Variants in ANKS1B observed in about 807,000 individuals in gnomAD.
ANKS1B encodes ankyrin repeat and sterile alpha motif domain containing 1B.
In ANKS1B, 36 loss-of-function variants were observed where a neutral mutation model predicts 148.3. The ratio of observed to expected loss-of-function variants is 0.24; its 90% CI spans 0.19 to 0.32. ANKS1B has a LOEUF of 0.32. Among genes scored for constraint, ANKS1B ranks in the 10% least tolerant of loss-of-function variants. ANKS1B has a pLI of 1.00. For missense variants in ANKS1B, 1,157 were observed against 1,542.6 expected, an observed-to-expected ratio of 0.75 and a Z score of 4.19; for synonymous variants, 542 against 560.8, an observed-to-expected ratio of 0.97 and a Z score of 0.47.
intron 12 of ANKS1B, among the ~76,000 whole-genome samples, chr12:99,394,013 C>A (rs2094161566): frequency 6.6e-6 from 1 of 152,174 alleles, no homozygotes; most frequent in Non-Finnish European, 1.5e-5. Flanking sequence ...AACACAGAAC[C>A]ACATTGGATA....
chr12:99,918,163 C>T (rs143266430), intron 1 of ANKS1B, among the ~76,000 whole-genome samples: 224 of 152,360 alleles, frequency 1.5e-3, no homozygotes, highest in Non-Finnish European at 2.7e-3. Flanking sequence ...TGCTGCTCTA[C>T]AGCGCAGTAG....
At chr12:99,298,577 C>T (rs1016996702) in intron 12 of ANKS1B, among the ~76,000 whole-genome samples, 1 of 152,128 alleles carries the variant, frequency 6.6e-6, no homozygotes, top group African/African-American at 2.4e-5. Context: ...ACTAATACAA[C>T]CAGGAACCAG....
chr12:99,940,482 T>C (rs907112127), intron 1 of ANKS1B, among the ~76,000 whole-genome samples: 1 of 152,120 alleles, frequency 6.6e-6, no homozygotes, highest in African/African-American at 2.4e-5. Context: ...GTAGGTTACC[T>C]CTATTCGCTC....
intron 2 of ANKS1B, among the ~76,000 whole-genome samples, chr12:99,818,242 A>T (rs1267804364): frequency 6.6e-6 from 1 of 151,824 alleles, no homozygotes; most frequent in African/African-American, 2.4e-5. Flanking sequence ...GTTGAGCCTT[A>T]TAGCTTACTT....
intron 12 of ANKS1B, among the ~76,000 whole-genome samples, chr12:99,368,613 T>C (rs922243830): frequency 6.6e-6 from 1 of 152,040 alleles, no homozygotes; most frequent in African/African-American, 2.4e-5. Context: ...TATAGATGTA[T>C]AAAATATATG....
At chr12:99,107,942 C>T (rs906557397) in intron 15 of ANKS1B, among the ~76,000 whole-genome samples, 3 of 152,144 alleles carry the variant, frequency 2.0e-5, no homozygotes, top group Non-Finnish European at 4.4e-5. Flanking sequence ...TTACACTTAT[C>T]TCAATCTTTA....
intron 9 of ANKS1B, chr12:99,649,189 T>C: frequency 1.1e-6 from 1 of 928,460 alleles, no homozygotes; most frequent in South Asian, 1.4e-5. Context: ...ACAACATGTT[T>C]GTGTACTTGT....
At chr12:99,590,245 C>T (rs1202178225) in intron 9 of ANKS1B, among the ~76,000 whole-genome samples, 1 of 117,042 alleles carries the variant, frequency 8.5e-6, no homozygotes, top group Non-Finnish European at 1.8e-5. Flanking sequence ...CATTCACTCA[C>T]ACCCACACCC....
chr12:99,452,828 C>A (rs1247145125), intron 10 of ANKS1B, among the ~76,000 whole-genome samples: 1 of 152,164 alleles, frequency 6.6e-6, no homozygotes, highest in Non-Finnish European at 1.5e-5. Flanking sequence ...CTATCACCAA[C>A]AATAGTGTTA....
chr12:98,918,714 T>G (rs942170787), intron 17 of ANKS1B, among the ~76,000 whole-genome samples: 1 of 152,238 alleles, frequency 6.6e-6, no homozygotes, highest in African/African-American at 2.4e-5. Flanking sequence ...GTGAGTCTAC[T>G]TTAACACATT....
rs141105472 is a variant in ANKS1B at position 99,165,136 on chromosome 12, A to T, written c.2420-10741T>A. ...ATGCCTATATTAGACAGGCAGAAAT[A>T]CTCACCACTATACTAGTAAGGAACA... On this transcript the variant is annotated intron_variant, in intron 14 of 26. Transcript: ENST00000683438. Among the ~76,000 whole-genome samples, 631 of 152,108 alleles carry T rather than the reference A, an allele frequency of 4.1e-3. 4 individuals are homozygous for T. Among genetic ancestry groups the T allele is most frequent in the African/African-American group, 0.015 (611 of 41,560 alleles).
At chr12:99,531,022 TCC>T (rs1186716888) in intron 9 of ANKS1B, among the ~76,000 whole-genome samples, 1 of 152,140 alleles carries the variant, frequency 6.6e-6, no homozygotes, top group Admixed American at 6.5e-5. Context: ...TTCTCCTTAT[TCC>T]CTCTGAGTAG....
chr12:99,890,603 G>T (rs866377559), intron 1 of ANKS1B, among the ~76,000 whole-genome samples: 1 of 150,642 alleles, frequency 6.6e-6, no homozygotes, highest in Non-Finnish European at 1.5e-5. Flanking sequence ...GTGTGTGTGT[G>T]TGTGTGTGTG....
chr12:99,075,854 ATATAC>A (rs2047692550), intron 16 of ANKS1B, among the ~76,000 whole-genome samples: 1 of 148,428 alleles, frequency 6.7e-6, no homozygotes, highest in Admixed American at 6.8e-5. Context: ...TTTATATTAT[ATATAC>A]TATACATTTG....
At chr12:99,049,985 G>A (rs2099964927) in intron 17 of ANKS1B, among the ~76,000 whole-genome samples, 1 of 152,130 alleles carries the variant, frequency 6.6e-6, no homozygotes, top group Non-Finnish European at 1.5e-5. Flanking sequence ...AGTTACTGGA[G>A]CAATCTGGTT....
intron 12 of ANKS1B, among the ~76,000 whole-genome samples, chr12:99,352,447 G>A (rs1426811291): frequency 6.6e-6 from 1 of 151,750 alleles, no homozygotes; most frequent in Admixed American, 6.6e-5. Flanking sequence ...CTCAGACAGA[G>A]AAACACCAAA....
intron 10 of ANKS1B, among the ~76,000 whole-genome samples, chr12:99,445,141 T>C (rs890243179): frequency 5.3e-5 from 8 of 151,968 alleles, no homozygotes; most frequent in African/African-American, 1.7e-4. Context: ...GATGGGGTGG[T>C]CTTCTGAGTA....
chr12:99,220,886 C>T (rs764032665), intron 14 of ANKS1B, among the ~76,000 whole-genome samples: 11 of 151,902 alleles, frequency 7.2e-5, no homozygotes, highest in Non-Finnish European at 1.3e-4. Flanking sequence ...TTACATAGAT[C>T]AAATATAGAA....
intron 17 of ANKS1B, among the ~76,000 whole-genome samples, chr12:98,945,975 TC>T (rs1303131446): frequency 6.6e-6 from 1 of 152,172 alleles, no homozygotes; most frequent in African/African-American, 2.4e-5. Context: ...TTGCCTCCTC[TC>T]CATCCACCTT....
Sources: allele counts gnomAD v4.1 joint callset (sites outside exome capture counted in the v4.1 genomes callset), GRCh38; gene constraint gnomAD v4.1.1; transcripts MANE v1.5; gene names NCBI Gene and HGNC (gene_info 2026-07-23, HGNC 2026-07-21).